ZBTB8OS: variants seen among roughly 807,000 people sequenced by gnomAD.
ZBTB8OS encodes the protein tRNA splicing ligase complex subunit 1.
A neutral mutation model predicts 29.3 loss-of-function variants in ZBTB8OS; 16 were observed. The ratio of observed to expected loss-of-function variants is 0.55; its 90% CI spans 0.37 to 0.83. ZBTB8OS has a LOEUF of 0.83. ZBTB8OS is among the 40% of genes least tolerant of loss of function. The probability of loss-of-function intolerance (pLI) is 0.00; values close to 1 mark genes in which losing one functional copy is unlikely to be tolerated. For missense variants in ZBTB8OS, 160 were observed against 196.9 expected, an observed-to-expected ratio of 0.81 and a Z score of 1.12; for synonymous variants, 70 against 64.6, an observed-to-expected ratio of 1.08 and a Z score of -0.40.
At chr1:32,642,332 C>T (rs1266540659) in intron 1 of ZBTB8OS, among the ~76,000 whole-genome samples, 3 of 151,894 alleles carry the variant, frequency 2.0e-5, no homozygotes, top group Non-Finnish European at 4.4e-5. Flanking sequence ...GGTGAAACCC[C>T]GTATCTACTA....
chr1:32,635,500 G>A (rs1275807260), intron 1 of ZBTB8OS, among the ~76,000 whole-genome samples: 1 of 152,066 alleles, frequency 6.6e-6, no homozygotes, highest in Non-Finnish European at 1.5e-5. Flanking sequence ...TTGAACTCTT[G>A]ACCTCAGGTG....
At chr1:32,630,545 C>T (rs894300297) in intron 5 of ZBTB8OS, among the ~76,000 whole-genome samples, 1 of 151,260 alleles carries the variant, frequency 6.6e-6, no homozygotes, top group African/African-American at 2.4e-5. Flanking sequence ...AGGGCAAGAC[C>T]CTGTCTCAAA....
chr1:32,639,085 G>A (rs1364577431), intron 1 of ZBTB8OS, among the ~76,000 whole-genome samples: 1 of 149,116 alleles, frequency 6.7e-6, no homozygotes, highest in Non-Finnish European at 1.5e-5. Flanking sequence ...ATCACTTGAG[G>A]TCAGGAATTC....
At chr1:32,628,085 C>T (rs997597378) in intron 5 of ZBTB8OS, among the ~76,000 whole-genome samples, 23 of 152,122 alleles carry the variant, frequency 1.5e-4, no homozygotes, top group South Asian at 2.1e-4. Flanking sequence ...TGGCTCATGC[C>T]TGTAACCCCA....
intron 2 of ZBTB8OS, chr1:32,634,290 G>T: frequency 5.7e-6 from 2 of 351,088 alleles, no homozygotes; most frequent in Non-Finnish European, 1.0e-5. Context: ...GCAGTAGTGC[G>T]ATCTCGGGTC....
At chr1:32,637,836 T>C (rs761904100) in intron 1 of ZBTB8OS, among the ~76,000 whole-genome samples, 1 of 152,080 alleles carries the variant, frequency 6.6e-6, no homozygotes, top group Non-Finnish European at 1.5e-5. Context: ...AGGTAAAATA[T>C]ATAATTTTTT....
intron 4 of ZBTB8OS, 114 bp downstream of exon 4, chr1:32,633,531 C>A: frequency 1.3e-6 from 1 of 755,706 alleles, no homozygotes; most frequent in Non-Finnish European, 2.2e-6. Context: ...TCAGTATCAT[C>A]TTATTTGTAT....
intron 2 of ZBTB8OS, 86 bp downstream of exon 2, chr1:32,634,680 GAA>G: frequency 1.3e-6 from 2 of 1,565,566 alleles, no homozygotes; most frequent in Non-Finnish European, 1.8e-6. Context: ...AATGAGAGGA[GAA>G]AAATTAAAGA....
Position 32,621,373 on chromosome 1 carries a change from T to C in ZBTB8OS, c.*489A>G, listed in dbSNP as rs1644746236. The C allele has an allele frequency of 7.2e-6, 1 of 139,578 alleles. No individual in the cohort carries two copies. Among genetic ancestry groups the C allele is most frequent in the South Asian group, 2.2e-4 (1 of 4,592 alleles). The allele number at this position is 139,578 out of a possible 1,614,324, so 8.6% of individuals were successfully genotyped here. A position where few individuals can be genotyped will look rare whatever the true frequency, so the allele number is the denominator to read the frequency against. On this transcript the variant is annotated 3_prime_UTR_variant, in exon 7 of 7. Coordinates refer to ENST00000468695, the MANE Select transcript of ZBTB8OS (RefSeq NM_178547.5). ...GAGCTCACACCACTGCGCTTCAGCCTGGGCTACAGAGCGAGACTCCGTCTC... is the reference window on the plus strand; with the variant it reads ...GAGCTCACACCACTGCGCTTCAGCCCGGGCTACAGAGCGAGACTCCGTCTC...
intron 5 of ZBTB8OS, 101 bp downstream of exon 5, chr1:32,631,726 C>T: frequency 1.2e-6 from 1 of 843,600 alleles, no homozygotes; most frequent in Admixed American, 2.7e-5. Flanking sequence ...ACTCAATCTG[C>T]AAGTGGCCCT....
At chr1:32,637,948 C>T (rs1646107861) in intron 1 of ZBTB8OS, among the ~76,000 whole-genome samples, 1 of 152,040 alleles carries the variant, frequency 6.6e-6, no homozygotes, top group Admixed American at 6.6e-5. Context: ...ATTCTCCCAC[C>T]TCAACCTCCT....
intron 1 of ZBTB8OS, among the ~76,000 whole-genome samples, chr1:32,635,021 T>C (rs555190291): frequency 9.3e-5 from 14 of 151,076 alleles, no homozygotes; most frequent in South Asian, 4.3e-4. Context: ...ATCGCGCCAC[T>C]GCACTCCAGC....
chr1:32,631,135 T>C (rs1252604036), intron 5 of ZBTB8OS, among the ~76,000 whole-genome samples: 1 of 151,810 alleles, frequency 6.6e-6, no homozygotes, highest in Non-Finnish European at 1.5e-5. Flanking sequence ...GCCAGAGGAC[T>C]GCTTGAGCCC....
rs1462116274 is a variant in ZBTB8OS at position 32,650,347 on chromosome 1, G to A, written c.97+86C>T. ...ATGCCTGAAGTACCCATGGGGCACA[G>A]TAGAAAGAGCAGCAGGAAGCCGCGG... On this transcript the variant is annotated intron_variant, in intron 1 of 6. Coordinates refer to ENST00000468695, the MANE Select transcript of ZBTB8OS (RefSeq NM_178547.5). 5.1e-6 allele frequency: 8 copies of A among 1,556,226 alleles called. No individual in the cohort carries two copies. In the East Asian group the frequency reaches 6.7e-5, roughly 13 times the overall value.
intron 1 of ZBTB8OS, among the ~76,000 whole-genome samples, chr1:32,641,035 T>A (rs1416917144): frequency 1.0e-5 from 1 of 97,890 alleles, no homozygotes. Flanking sequence ...TAGCTGGGCA[T>A]GGTGGTGGGG....
At chr1:32,648,780 G>A (rs1275688942) in intron 1 of ZBTB8OS, among the ~76,000 whole-genome samples, 2 of 148,366 alleles carry the variant, frequency 1.3e-5, no homozygotes, top group South Asian at 2.1e-4. Flanking sequence ...TGCCTCAGCC[G>A]CCCAAGCAGC....
rs180942996 is a variant in ZBTB8OS at position 32,634,578 on chromosome 1, G to A, written c.122+190C>T. ...GGGGTCTCTCTGTCACCCAGGCTGG[G>A]GTGCAGTGGTGCAATCTCGGCTCAC... On this transcript the variant is annotated intron_variant, in intron 2 of 6. Transcript: ENST00000468695. 1.4e-3 allele frequency: 923 copies of A among 638,208 alleles called. 10 individuals carry two copies. Among genetic ancestry groups the A allele is most frequent in the African/African-American group, 0.014 (782 of 54,938 alleles). The allele number at this position is 638,208 out of a possible 1,614,324, so 39.5% of individuals were successfully genotyped here. A position where few individuals can be genotyped will look rare whatever the true frequency, so the allele number is the denominator to read the frequency against.
chr1:32,631,910 A>C (rs767501926), intron 4 of ZBTB8OS, 31 bp from the exon 5 acceptor site: 2 of 1,327,938 alleles, frequency 1.5e-6, no homozygotes, highest in African/African-American at 1.5e-5. Flanking sequence ...TTTAATTAAA[A>C]AAAGTTCATA....
chr1:32,641,265 GTTTTTTTTTTTTT>G (rs1160526101), intron 1 of ZBTB8OS, among the ~76,000 whole-genome samples: 13 of 97,266 alleles, frequency 1.3e-4, no homozygotes, highest in African/African-American at 4.9e-4. Flanking sequence ...AATTACACAA[GTTTTTTTTTTTTT>G]TTTTTTTTTT....
Sources: gnomAD v4.1 joint callset for allele counts (sites outside exome capture counted in the v4.1 genomes callset) on GRCh38, gnomAD v4.1.1 for gene constraint, MANE v1.5 for transcripts, NCBI Gene and HGNC (gene_info 2026-07-23, HGNC 2026-07-21) for gene names.